The following BBS9 variants were observed in gnomAD, a reference collection of about 807,000 sequenced individuals.
BBS9 encodes Bardet-Biedl syndrome 9.
BBS9 carries 89 observed loss-of-function variants against 117.7 expected under a neutral mutation model. That is an observed-to-expected ratio of 0.76 (90% CI 0.64 to 0.90). The LOEUF (loss-of-function observed/expected upper bound fraction) is 0.90, where lower values mean the gene tolerates loss of function less well. Among genes scored for constraint, BBS9 ranks in the 40% least tolerant of loss-of-function variants. The pLI, the probability that BBS9 is intolerant of heterozygous loss-of-function variation, is 0.00. For synonymous variants in BBS9, 379 were observed against 370.9 expected, an observed-to-expected ratio of 1.02 and a Z score of -0.25; for missense variants, 982 against 1,042.2, an observed-to-expected ratio of 0.94 and a Z score of 0.80.
chr7:33,593,252 G>A (rs1862218258), intron 21 of BBS9, among the ~76,000 whole-genome samples: 1 of 152,108 alleles, frequency 6.6e-6, no homozygotes, highest in African/African-American at 2.4e-5. Flanking sequence ...AAATGGCAAG[G>A]AAAAGCAAAT....
intron 9 of BBS9, among the ~76,000 whole-genome samples, chr7:33,296,271 T>G (rs1805262559): frequency 6.6e-6 from 1 of 152,192 alleles, no homozygotes; most frequent in South Asian, 2.1e-4. Flanking sequence ...CAGTTAGTAC[T>G]TTTAAGTTAT....
chr7:33,248,800 T>C (rs891365598), intron 5 of BBS9, among the ~76,000 whole-genome samples: 1 of 152,194 alleles, frequency 6.6e-6, no homozygotes, highest in Non-Finnish European at 1.5e-5. Context: ...TTTTGGACTC[T>C]TCTGTTCTTA....
chr7:33,288,574 AC>A (rs1366329879), intron 9 of BBS9, among the ~76,000 whole-genome samples: 3 of 152,092 alleles, frequency 2.0e-5, no homozygotes, highest in African/African-American at 4.8e-5. Context: ...AAGACTTATT[AC>A]CCTTTTTCCT....
chr7:33,617,443 C>G (rs1308116439), intron 21 of BBS9, among the ~76,000 whole-genome samples: 4 of 152,046 alleles, frequency 2.6e-5, no homozygotes, highest in Admixed American at 1.3e-4. Context: ...GTCAGTGCCT[C>G]CTTCTTCAAA....
chr7:33,516,487 C>CAAAA (rs61006845), intron 20 of BBS9, among the ~76,000 whole-genome samples: 1,588 of 51,254 alleles, frequency 0.031, 83 homozygotes, highest in African/African-American at 0.065. Context: ...ATTTCATCTC[C>CAAAA]AAAAAAAAAA....
chr7:33,329,934 T>A (rs1412043588), intron 9 of BBS9, among the ~76,000 whole-genome samples: 1 of 152,176 alleles, frequency 6.6e-6, no homozygotes, highest in African/African-American at 2.4e-5. Context: ...AGATGGCCTT[T>A]ATTTAACCTT....
intron 19 of BBS9, among the ~76,000 whole-genome samples, chr7:33,473,233 C>T (rs1841314734): frequency 6.6e-6 from 1 of 152,178 alleles, no homozygotes; most frequent in Non-Finnish European, 1.5e-5. Flanking sequence ...AAAAATGTTG[C>T]CTACAGACTA....
At chr7:33,459,161 A>AT (rs2128930330) in intron 19 of BBS9, among the ~76,000 whole-genome samples, 1 of 152,142 alleles carries the variant, frequency 6.6e-6, no homozygotes, top group East Asian at 1.9e-4. Context: ...TTCCATTGAG[A>AT]TCCCTCTTCC....
At chr7:33,532,875 A>G (rs976402880) in intron 20 of BBS9, among the ~76,000 whole-genome samples, 11 of 152,318 alleles carry the variant, frequency 7.2e-5, no homozygotes, top group African/African-American at 2.6e-4. Context: ...TTCTATGATC[A>G]TAAATTCATT....
In BBS9 at chr7:33,630,132, C is replaced by T. The variant is rs76130461; in HGVS notation, c.2522-5045C>T. Among the ~76,000 whole-genome samples, 1,246 of 152,176 alleles carry T rather than the reference C, an allele frequency of 8.2e-3. 22 individuals are homozygous for T. The highest frequency in any genetic ancestry group is 0.028 in the African/African-American group (1,172 of 41,512). Reference sequence around the variant, plus strand: ...TGATATGATTAGCTGCTTTTAATTACGTCTAAAAATCCCTTGTCAAATAAT... The same window carrying T: ...TGATATGATTAGCTGCTTTTAATTATGTCTAAAAATCCCTTGTCAAATAAT... On this transcript the variant is annotated intron_variant, in intron 21 of 21. Coordinates refer to the BBS9 transcript ENST00000671952.
At chr7:33,597,509 TC>T (rs1451491607) in intron 21 of BBS9, among the ~76,000 whole-genome samples, 1 of 152,132 alleles carries the variant, frequency 6.6e-6, no homozygotes, top group Non-Finnish European at 1.5e-5. Flanking sequence ...GACACTCTCA[TC>T]CAATACCCAG....
chr7:33,624,218 T>A (rs1865538685), intron 21 of BBS9, among the ~76,000 whole-genome samples: 4 of 152,204 alleles, frequency 2.6e-5, no homozygotes, highest in African/African-American at 7.2e-5. Flanking sequence ...TTTAGTTTTC[T>A]AAATGTAAAA....
At chr7:33,254,582 C>T (rs969995531) in intron 5 of BBS9, among the ~76,000 whole-genome samples, 1 of 152,134 alleles carries the variant, frequency 6.6e-6, no homozygotes, top group African/African-American at 2.4e-5. Context: ...TCACTGTAAT[C>T]ACTGTGCTGT....
At chr7:33,252,403 T>C (rs1307083960) in intron 5 of BBS9, among the ~76,000 whole-genome samples, 1 of 152,194 alleles carries the variant, frequency 6.6e-6, no homozygotes, top group African/African-American at 2.4e-5. Flanking sequence ...CATCCTATCA[T>C]GCTAAGGTAG....
intron 19 of BBS9, among the ~76,000 whole-genome samples, chr7:33,396,286 A>AG (rs1174138447): frequency 6.6e-6 from 1 of 152,294 alleles, no homozygotes; most frequent in Admixed American, 6.5e-5. Context: ...GATTAGGTTT[A>AG]TCATAGTACT....
At position 33,157,229 on chromosome 7, in the gene BBS9, A is replaced by G. The variant is rs114335930; in HGVS notation, c.328+1527A>G. ...TTCCACTGGGGCTTAGAGCACAGACAAGGGATAAAAAGTGTACTTATCAGA... is the reference window on the plus strand; with the variant it reads ...TTCCACTGGGGCTTAGAGCACAGACGAGGGATAAAAAGTGTACTTATCAGA... On this transcript the variant is annotated intron_variant, in intron 4 of 22. Coordinates refer to ENST00000242067, the MANE Select transcript of BBS9 (RefSeq NM_198428.3). Among the ~76,000 whole-genome samples the G allele has an allele frequency of 2.8e-3, 430 of 152,324 alleles. 1 individual carries two copies. Among genetic ancestry groups the G allele is most frequent in the African/African-American group, 0.01 (419 of 41,564 alleles).
chr7:33,353,075 C>G (rs1047659827), intron 15 of BBS9, among the ~76,000 whole-genome samples: 5 of 151,908 alleles, frequency 3.3e-5, no homozygotes, highest in Non-Finnish European at 7.4e-5. Context: ...TTAGTTGTTT[C>G]GGAGTCATGA....
At chr7:33,243,990 G>A (rs191122684) in intron 5 of BBS9, among the ~76,000 whole-genome samples, 17 of 152,252 alleles carry the variant, frequency 1.1e-4, no homozygotes, top group African/African-American at 3.9e-4. Context: ...TTGGGAAGCT[G>A]AGGCGGGCAG....
intron 5 of BBS9, among the ~76,000 whole-genome samples, chr7:33,220,047 G>A (rs1789937569): frequency 1.3e-5 from 2 of 152,126 alleles, no homozygotes; most frequent in African/African-American, 2.4e-5. Flanking sequence ...TTTAAGAACT[G>A]TAACACTCAC....
Sources: allele counts gnomAD v4.1 joint callset (sites outside exome capture counted in the v4.1 genomes callset), GRCh38; gene constraint gnomAD v4.1.1; transcripts MANE v1.5; gene names NCBI Gene and HGNC (gene_info 2026-07-23, HGNC 2026-07-21).